RP1: variants seen among roughly 807,000 people sequenced by gnomAD.
RP1 encodes oxygen-regulated protein 1.
A neutral mutation model predicts 14.8 loss-of-function variants in RP1; 16 were observed. The observed-to-expected ratio is 1.08, with a 90% CI of 0.73 to 1.65. The LOEUF is 1.65. RP1 is among the 40% of genes most tolerant of loss of function. The pLI is 0.00. For synonymous variants in RP1, 876 were observed against 883.6 expected (o/e 0.99, Z 0.15); for missense variants, 2,631 against 2,535.0 (o/e 1.04, Z -0.81).
intron 4 of RP1, among the ~76,000 whole-genome samples, chr8:54,652,464 T>C (rs1357909902): frequency 6.6e-6 from 1 of 152,176 alleles, no homozygotes; most frequent in Non-Finnish European, 1.5e-5. Flanking sequence ...GAGTGTTCTA[T>C]AGATGTTAGG....
chr8:54,838,398 ACTGATAGCC>A (rs1403454059), intron 25 of RP1, among the ~76,000 whole-genome samples: 1 of 152,162 alleles, frequency 6.6e-6, no homozygotes, highest in Non-Finnish European at 1.5e-5. Context: ...CTCAATGGAT[ACTGATAGCC>A]TCTTTGTTCG....
chr8:54,695,204 T>G (rs1381008189), intron 12 of RP1, among the ~76,000 whole-genome samples: 1 of 152,180 alleles, frequency 6.6e-6, no homozygotes, highest in African/African-American at 2.4e-5. Flanking sequence ...ATAATTTCTG[T>G]TCTTTTGCAT....
intron 19 of RP1, among the ~76,000 whole-genome samples, chr8:54,741,981 T>A (rs1485615144): frequency 6.6e-6 from 1 of 151,826 alleles, no homozygotes; most frequent in Non-Finnish European, 1.5e-5. Context: ...CTATTTTACA[T>A]ATGAGAAAAC....
At chr8:54,564,051 C>T (rs1375505614) in intron 1 of RP1, among the ~76,000 whole-genome samples, 1 of 152,164 alleles carries the variant, frequency 6.6e-6, no homozygotes, top group Admixed American at 6.5e-5. Flanking sequence ...TGTTGCCCAA[C>T]TCAGATCTCC....
chr8:54,849,871 A>T (rs542691397), intron 25 of RP1, among the ~76,000 whole-genome samples: 2 of 152,332 alleles, frequency 1.3e-5, no homozygotes, highest in African/African-American at 4.8e-5. Context: ...AAAAAAATAA[A>T]GATGAGAGTG....
intron 24 of RP1, among the ~76,000 whole-genome samples, chr8:54,821,965 A>G (rs1585721571): frequency 6.6e-6 from 1 of 152,234 alleles, no homozygotes; most frequent in East Asian, 1.9e-4. Flanking sequence ...AAAGGACAGA[A>G]GAGCAAACTT....
chr8:54,702,029 A>G (rs2293954), intron 14 of RP1, among the ~76,000 whole-genome samples: 19,315 of 152,126 alleles, frequency 0.13, 3,202 homozygotes, highest in African/African-American at 0.38. Flanking sequence ...TGATCCTTTC[A>G]TAATGCTTAT....
At chr8:54,708,547 G>A (rs763852363) in intron 15 of RP1, among the ~76,000 whole-genome samples, 3 of 152,020 alleles carry the variant, frequency 2.0e-5, no homozygotes, top group Non-Finnish European at 4.4e-5. Context: ...TTTTAGTAGA[G>A]ACGGTGTTTC....
intron 8 of RP1, among the ~76,000 whole-genome samples, chr8:54,674,747 A>G: frequency 6.6e-6 from 1 of 152,244 alleles, no homozygotes; most frequent in Middle Eastern, 3.4e-3. Flanking sequence ...AAAAATTATG[A>G]GTAAGATTAA....
At position 54,628,336 on chromosome 8, in the gene RP1, G is replaced by A. The variant is rs1488688409; in HGVS notation, c.4454G>A (p.Gly1485Glu). The stretch of plus-strand genomic sequence containing the variant: ...GATATCTTTAATACAGTGGTAAATG[G>A]AGGAGAGCAAGCCACTGAAGAATTA... ...DTDIFNTVVNGGEQATEELIQ... is the reference protein window; with the variant it reads ...DTDIFNTVVNEGEQATEELIQ... The change falls in exon 4 of 4, where the codon GGA becomes GAA. Residue 1485 changes from glycine (G) to glutamate (E), a missense_variant. Transcript: ENST00000220676. 6.2e-7 allele frequency: 1 copy of A among 1,613,788 alleles called. No homozygotes were observed. Among genetic ancestry groups the A allele is most frequent in the Non-Finnish European group, 8.5e-7 (1 of 1,179,910 alleles).
At chr8:54,760,978 C>G (rs1344302214) in intron 22 of RP1, among the ~76,000 whole-genome samples, 1 of 152,168 alleles carries the variant, frequency 6.6e-6, no homozygotes, top group Non-Finnish European at 1.5e-5. Flanking sequence ...CATTTCCCAG[C>G]CTGCTCCCAC....
At chr8:54,814,874 G>A (rs1160931750) in intron 24 of RP1, among the ~76,000 whole-genome samples, 1 of 152,122 alleles carries the variant, frequency 6.6e-6, no homozygotes, top group East Asian at 1.9e-4. Flanking sequence ...TCTCCCCACC[G>A]AATGCCACCA....
At chr8:54,604,790 TA>T (rs1164020817) in intron 1 of RP1, among the ~76,000 whole-genome samples, 1 of 152,244 alleles carries the variant, frequency 6.6e-6, no homozygotes, top group Non-Finnish European at 1.5e-5. Flanking sequence ...TTGCGGAATT[TA>T]TCCATTTCTT....
chr8:54,847,643 T>A (rs1360186804), intron 25 of RP1, among the ~76,000 whole-genome samples: 1 of 152,252 alleles, frequency 6.6e-6, no homozygotes, highest in Non-Finnish European at 1.5e-5. Context: ...CTCGGTTACC[T>A]TTAGGCTCTG....
rs182926579 is a variant in RP1, at chr8:54,604,230, G to C, written c.-12-16725G>C. ...AATTCCCATCAATACCTAATTTATTGAGAGTTTTTAGCATGAAGAGTTGCT... is the reference window on the plus strand; with the variant it reads ...AATTCCCATCAATACCTAATTTATTCAGAGTTTTTAGCATGAAGAGTTGCT... On this transcript the variant is annotated intron_variant, in intron 1 of 22. Transcript: ENST00000636932. Among the ~76,000 whole-genome samples, 11 of 152,250 alleles carry C rather than the reference G, an allele frequency of 7.2e-5. No homozygotes were observed. In the East Asian group the frequency reaches 2.1e-3, roughly 29 times the overall value.
At chr8:54,755,692 T>C in exon 21 of RP1, 22 of 1,535,978 alleles carry the variant, frequency 1.4e-5, no homozygotes, top group Non-Finnish European at 1.8e-5. Flanking sequence ...TTTTCCTCTG[T>C]CTCTTTGGGG....
At chr8:54,707,271 A>T (rs779962325) in intron 15 of RP1, among the ~76,000 whole-genome samples, 3 of 152,078 alleles carry the variant, frequency 2.0e-5, no homozygotes, top group Non-Finnish European at 4.4e-5. Flanking sequence ...CTACAGGCGC[A>T]TGCCACCATG....
At chr8:54,667,016 C>T (rs1807033705) in intron 7 of RP1, among the ~76,000 whole-genome samples, 1 of 152,056 alleles carries the variant, frequency 6.6e-6, no homozygotes, top group Non-Finnish European at 1.5e-5. Context: ...CACTGGACCT[C>T]AGATATGGGG....
chr8:54,738,163 T>C (rs573514519), intron 18 of RP1, among the ~76,000 whole-genome samples: 1 of 152,350 alleles, frequency 6.6e-6, no homozygotes, highest in East Asian at 1.9e-4. Context: ...TAATATACAT[T>C]TATTTAGTTG....
Sources: gnomAD v4.1 joint callset for allele counts (sites outside exome capture counted in the v4.1 genomes callset) on GRCh38, gnomAD v4.1.1 for gene constraint, MANE v1.5 for transcripts, NCBI Gene and HGNC (gene_info 2026-07-23, HGNC 2026-07-21) for gene names.